The following PRKAG1 variants were observed in gnomAD, a reference collection of about 807,000 sequenced individuals.
The protein encoded by PRKAG1 is protein kinase AMP-activated non-catalytic subunit gamma 1, also known as 5'-AMP-activated protein kinase subunit gamma-1.
A neutral mutation model predicts 48.2 loss-of-function variants in PRKAG1; 27 were observed. The ratio of observed to expected loss-of-function variants is 0.56; its 90% confidence interval spans 0.41 to 0.77. The LOEUF is 0.77. Ranked by LOEUF, PRKAG1 falls within the 30% of genes least tolerant of loss-of-function variation. The pLI is 0.00. For missense variants in PRKAG1, 287 were observed against 398.3 expected, an observed-to-expected ratio of 0.72 and a Z score of 2.38; for synonymous variants, 130 against 147.7, an observed-to-expected ratio of 0.88 and a Z score of 0.87.
rs1223796219 is a variant in PRKAG1, at chr12:49,003,602, G to A, written c.704-7C>T. 3.7e-6 allele frequency: 6 copies of A among 1,613,530 alleles called. No homozygotes were observed. The highest frequency in any genetic ancestry group is 5.1e-6 in the Non-Finnish European group (6 of 1,179,914). On this transcript the variant is annotated splice_polypyrimidine_tract_variant and splice_region_variant and intron_variant, in intron 9 of 11. Transcript: ENST00000548065. ...TAGATGTCCACCACACGCCCTAGGG[G>A]GACAGAGGCAGCTCAGTAAGGAGGA...
intron 2 of PRKAG1, among the ~76,000 whole-genome samples, chr12:49,008,150 C>T (rs1275269779): frequency 6.6e-6 from 1 of 152,164 alleles, no homozygotes; most frequent in Admixed American, 6.5e-5. Flanking sequence ...TGAGCCACTG[C>T]ACCCGGCCAG....
chr12:49,012,996 G>A, intron 2 of PRKAG1, 66 bp downstream of exon 2: 1 of 1,461,698 alleles, frequency 6.8e-7, no homozygotes, highest in Non-Finnish European at 9.6e-7. Flanking sequence ...CAAAAGCATT[G>A]TTGAAGACAT....
chr12:49,016,091 C>A (rs1262278567), intron 1 of PRKAG1, among the ~76,000 whole-genome samples: 1 of 152,030 alleles, frequency 6.6e-6, no homozygotes, highest in Non-Finnish European at 1.5e-5. Flanking sequence ...GAACATACCA[C>A]CAGGCCCAGC....
intron 1 of PRKAG1, chr12:49,016,504 GTCT>G (rs1302312271): frequency 2.0e-5 from 3 of 152,164 alleles, no homozygotes; most frequent in African/African-American, 7.2e-5. Context: ...TTGCACAGCT[GTCT>G]TCTTAACACT....
intron 2 of PRKAG1, among the ~76,000 whole-genome samples, chr12:49,007,411 T>A (rs946172286): frequency 6.6e-6 from 1 of 152,208 alleles, no homozygotes; most frequent in Non-Finnish European, 1.5e-5. Context: ...CATTAATAAG[T>A]GGCAAGAAAG....
At chr12:49,015,234 A>C (rs984549150) in intron 1 of PRKAG1, among the ~76,000 whole-genome samples, 1 of 99,106 alleles carries the variant, frequency 1.0e-5, no homozygotes. Context: ...GAGTCTCACA[A>C]AGATCTACAC....
intron 10 of PRKAG1, 44 bp downstream of exon 10, chr12:49,003,514 C>A (rs778447678): frequency 6.3e-7 from 1 of 1,595,440 alleles, no homozygotes; most frequent in Non-Finnish European, 8.6e-7. Context: ...CAGTGCCCCC[C>A]CCCCACCACT....
intron 2 of PRKAG1, among the ~76,000 whole-genome samples, chr12:49,007,240 T>C (rs1396618217): frequency 6.6e-6 from 1 of 151,414 alleles, no homozygotes; most frequent in Non-Finnish European, 1.5e-5. Context: ...TGAGACGAGA[T>C]TGTGCCTCTG....
chr12:49,005,257 G>C lies in PRKAG1; in HGVS notation c.309+49C>G. Reference sequence around the variant, plus strand: ...TGGAGAAAAAGAAATGAGAATGAGGGATTTAGGGCAGGGAAAGTGATTTTG... The same window carrying C: ...TGGAGAAAAAGAAATGAGAATGAGGCATTTAGGGCAGGGAAAGTGATTTTG... On this transcript the variant is annotated intron_variant, in intron 5 of 11. Transcript: ENST00000548065. This position sits in a 1 kb window ranked among gnomAD's most constrained non-coding sequence, Gnocchi z 4.1. 1 of 1,612,610 alleles carries C rather than the reference G, an allele frequency of 6.2e-7. No homozygotes were observed. Among genetic ancestry groups the C allele is most frequent in the Non-Finnish European group, 8.5e-7 (1 of 1,178,708 alleles).
intron 1 of PRKAG1, chr12:49,017,276 C>G: frequency 2.2e-6 from 1 of 450,686 alleles, no homozygotes; most frequent in Non-Finnish European, 4.4e-6. Flanking sequence ...TCTCAGCTCA[C>G]TCCAGCCTCC....
At position 49,005,305 on chromosome 12, in the gene PRKAG1, C is replaced by T. The variant is rs771283545; in HGVS notation, c.309+1G>A. The T allele has an allele frequency of 2.5e-6, 4 of 1,614,008 alleles. No individual in the cohort carries two copies. The Admixed American group carries it at 5.0e-5, about 20-fold the overall frequency. ...TTGGTCATTGGGTTAAGGTTCCTTA[C>T]CAAGGCTGATTTATAGTAGCGGTGC... On this transcript the variant is annotated splice_donor_variant, in intron 5 of 11. Transcript: ENST00000548065. LOFTEE classifies it high-confidence loss of function. This position sits in a 1 kb window ranked among gnomAD's most constrained non-coding sequence, Gnocchi z 4.1.
At chr12:49,004,715 C>T in intron 7 of PRKAG1, 82 bp from the exon 8 acceptor site, 1 of 1,581,492 alleles carries the variant, frequency 6.3e-7, no homozygotes. Flanking sequence ...TATTGCTCAA[C>T]AGGGAAAACT....
chr12:49,006,335 C>T (rs1014370283), intron 2 of PRKAG1, among the ~76,000 whole-genome samples: 1 of 151,686 alleles, frequency 6.6e-6, no homozygotes, highest in African/African-American at 2.4e-5. Context: ...CCCAGGAGCT[C>T]GAGGCCAGCC....
In PRKAG1 at chr12:49,005,632, C is replaced by T. The variant is rs1460810948; in HGVS notation, c.169-89G>A. ...CAGTGTTTGGGCATGTTGGGTAAAA[C>T]ATGAGACTAACTTCACAGAAGGATA... is the stretch of plus-strand genomic sequence containing the variant. On this transcript the variant is annotated intron_variant, in intron 3 of 11. Transcript: ENST00000548065. The surrounding 1 kb of genome is among the most constrained non-coding windows in gnomAD (Gnocchi z 4.1). 6.2e-7 allele frequency: 1 copy of T among 1,612,506 alleles called. No homozygotes were observed. The highest frequency in any genetic ancestry group is 2.2e-5 in the East Asian group (1 of 44,886).
chr12:49,012,081 T>C (rs953196528), intron 2 of PRKAG1, among the ~76,000 whole-genome samples: 3 of 152,166 alleles, frequency 2.0e-5, no homozygotes, highest in Non-Finnish European at 4.4e-5. Context: ...GGTCTTCAAC[T>C]TCTGACCTTA....
intron 8 of PRKAG1, 131 bp from the exon 9 acceptor site, chr12:49,004,053 G>T: frequency 8.0e-7 from 1 of 1,251,822 alleles, no homozygotes; most frequent in Non-Finnish European, 1.1e-6. Flanking sequence ...ACTTTGGGAG[G>T]CTGAGGGGGA....
intron 7 of PRKAG1, 105 bp from the exon 8 acceptor site, chr12:49,004,738 AG>A: frequency 1.3e-6 from 2 of 1,510,524 alleles, no homozygotes; most frequent in Admixed American, 1.7e-5. Context: ...TGGTTAGGGA[AG>A]GGGGGCAGTG....
In PRKAG1 at chr12:49,005,586, G is replaced by A. The variant is rs766147312; in HGVS notation, c.169-43C>T. The A allele has an allele frequency of 2.5e-6, 4 of 1,613,864 alleles. No individual in the cohort carries two copies. The South Asian group carries it at 3.3e-5, about 13-fold the overall frequency. On this transcript the variant is annotated intron_variant, in intron 3 of 11. Transcript: ENST00000548065. The surrounding 1 kb of genome is among the most constrained non-coding windows in gnomAD (Gnocchi z 4.1). ...ATAATCATAAAGGCAAATCCACAGG[G>A]GCAGGACTGTAAAAAAAGAACAGTG...
Position 49,002,938 on chromosome 12 carries a change from C to T in PRKAG1, c.957G>A (p.Leu319=). The T allele has an allele frequency of 6.2e-7, 1 of 1,614,212 alleles. No individual in the cohort carries two copies. The highest frequency in any genetic ancestry group is 8.5e-7 in the Non-Finnish European group (1 of 1,180,026). Residue 319 remains leucine (L), a synonymous_variant, in exon 12 of 12, where the codon CTG becomes CTA. Coordinates refer to ENST00000548065, the MANE Select transcript of PRKAG1 (RefSeq NM_002733.5). ...VKGIVSLSDI[L]QALVLTGGEK... is the part of the protein sequence containing the mutation. ...CTCCACCTGTGAGCACCAGGGCCTG[C>T]AGGATGTCAGACAGTGATACAATTC...
Sources: allele counts gnomAD v4.1 joint callset (sites outside exome capture counted in the v4.1 genomes callset), GRCh38; gene constraint gnomAD v4.1.1; non-coding constraint Gnocchi (gnomAD v3.1); transcripts MANE v1.5; gene names NCBI Gene and HGNC (gene_info 2026-07-23, HGNC 2026-07-21).